Variants in SLC66A2 observed in about 807,000 individuals in gnomAD.
SLC66A2 encodes solute carrier family 66 member 2, also known as PQ loop repeat containing 1.
Under a neutral mutation model 25.5 loss-of-function variants are expected in SLC66A2, and 23 were observed. The ratio of observed to expected loss-of-function variants is 0.90; its 90% CI spans 0.65 to 1.28. The LOEUF is 1.28. Among genes scored for constraint, SLC66A2 ranks in the 50% most tolerant of loss-of-function variants. SLC66A2 has a pLI of 0.00. For synonymous variants in SLC66A2, 193 were observed against 166.5 expected (o/e 1.16, Z -1.23); for missense variants, 396 against 373.1 (o/e 1.06, Z -0.51).
intron 5 of SLC66A2, among the ~76,000 whole-genome samples, chr18:79,914,575 T>C (rs1983713578): frequency 1.3e-5 from 2 of 149,240 alleles, no homozygotes; most frequent in South Asian, 2.2e-4. Flanking sequence ...AGACACCCCC[T>C]TGCCCAAGCT....
intron 5 of SLC66A2, among the ~76,000 whole-genome samples, chr18:79,911,539 C>G (rs1383002333): frequency 6.6e-6 from 1 of 152,244 alleles, no homozygotes; most frequent in Non-Finnish European, 1.5e-5. Flanking sequence ...TCCCCGGGGC[C>G]CTGACGCACA....
intron 5 of SLC66A2, among the ~76,000 whole-genome samples, chr18:79,916,139 CCCG>C: frequency 3.3e-5 from 4 of 122,972 alleles, no homozygotes; most frequent in South Asian, 2.9e-4. Context: ...CCACGGTGCT[CCCG>C]TACCCGCGGC....
rs546476384 is a variant in SLC66A2 at position 79,906,941 on chromosome 18, AC to A, written c.609-2759del. On this transcript the variant is annotated intron_variant, in intron 5 of 5. Transcript: ENST00000397778. ...TTTTTATTCAAGGCAAATGTCCTTT[AC>A]TTTGCCTGATATTAATACAGCGACT... 1.6e-3 allele frequency among the ~76,000 whole-genome samples: 242 copies of A among 152,276 alleles called. 1 individual carries two copies. Among genetic ancestry groups the A allele is most frequent in the African/African-American group, 5.5e-3 (229 of 41,554 alleles).
intron 4 of SLC66A2, among the ~76,000 whole-genome samples, chr18:79,928,459 C>A (rs564277459): frequency 2.0e-4 from 31 of 152,320 alleles, no homozygotes; most frequent in African/African-American, 6.3e-4. Flanking sequence ...TAGGCTCTTC[C>A]AGAACAGCAG....
intron 4 of SLC66A2, among the ~76,000 whole-genome samples, chr18:79,922,217 G>A (rs1295403996): frequency 4.6e-5 from 7 of 151,406 alleles, no homozygotes; most frequent in Admixed American, 4.6e-4. Flanking sequence ...CAAGGAGGGA[G>A]GATCGCTTGA....
At chr18:79,932,348 C>T (rs914751984) in intron 4 of SLC66A2, among the ~76,000 whole-genome samples, 33 of 151,656 alleles carry the variant, frequency 2.2e-4, no homozygotes, top group African/African-American at 7.5e-4. Context: ...TAAATTAAAA[C>T]CAAAGCAAGC....
At chr18:79,907,513 C>G (rs10401106) in intron 5 of SLC66A2, among the ~76,000 whole-genome samples, 83,773 of 151,702 alleles carry the variant, frequency 0.55, 23,998 homozygotes, top group South Asian at 0.74. Flanking sequence ...CACCACACTC[C>G]GCTAATGTTT....
rs140645566 is a variant in SLC66A2, at chr18:79,941,057, C to T, written c.337+2272G>A. Among the ~76,000 whole-genome samples, 116 of 152,280 alleles carry T rather than the reference C, an allele frequency of 7.6e-4. No homozygotes were observed. Among genetic ancestry groups the T allele is most frequent in the African/African-American group, 2.7e-3 (112 of 41,554 alleles). On this transcript the variant is annotated intron_variant, in intron 3 of 5. Coordinates refer to ENST00000397778, the MANE Select transcript of SLC66A2 (RefSeq NM_025078.5). This position sits in a 1 kb window ranked among gnomAD's most constrained non-coding sequence, Gnocchi z 4.1. ...AGGAAAGGGTGCCCCAGCTTCCTAT[C>T]GCCTCCATAACAAGGTACCACAAAC... is the stretch of plus-strand genomic sequence containing the variant.
rs549673901 is a variant in SLC66A2, at chr18:79,917,979, C to T, written c.608+1205G>A. ...CTACACTTCACATCTGTGCCTATGT[C>T]CCACACCCACACCTACGCCACACAC... On this transcript the variant is annotated intron_variant, in intron 5 of 5. Coordinates refer to ENST00000397778, the MANE Select transcript of SLC66A2 (RefSeq NM_025078.5). The surrounding 1 kb of genome is among the most constrained non-coding windows in gnomAD (Gnocchi z 6.0). 6.6e-6 allele frequency among the ~76,000 whole-genome samples: 1 copy of T among 151,924 alleles called. No individual in the cohort carries two copies. Among genetic ancestry groups the T allele is most frequent in the Non-Finnish European group, 1.5e-5 (1 of 67,980 alleles).
chr18:79,939,397 T>C (rs904827485), intron 3 of SLC66A2, among the ~76,000 whole-genome samples: 2 of 152,174 alleles, frequency 1.3e-5, no homozygotes, highest in Non-Finnish European at 2.9e-5. Flanking sequence ...GGGGATCTAA[T>C]TAAACTAAAG....
Position 79,917,567 on chromosome 18 carries a change from C to T in SLC66A2, c.608+1617G>A, listed in dbSNP as rs1033637507. On this transcript the variant is annotated intron_variant, in intron 5 of 5. Transcript: ENST00000397778. This position sits in a 1 kb window ranked among gnomAD's most constrained non-coding sequence, Gnocchi z 6.0. ...GGTGGCTGGGGACGCCACACTCCGC[C>T]GGACAAGGCCCACGTCCAGCCGGGG... Among the ~76,000 whole-genome samples, 3 of 152,224 alleles carry T rather than the reference C, an allele frequency of 2.0e-5. No homozygotes were observed. The highest frequency in any genetic ancestry group is 2.9e-5 in the Non-Finnish European group (2 of 67,976).
Position 79,909,176 on chromosome 18 carries a change from T to C in SLC66A2, c.609-4993A>G, listed in dbSNP as rs563939241. 1.6e-3 allele frequency among the ~76,000 whole-genome samples: 248 copies of C among 152,354 alleles called. 1 individual carries two copies. Among genetic ancestry groups the C allele is most frequent in the African/African-American group, 5.6e-3 (234 of 41,578 alleles). ...CAGGGTGTGAGGTCTGACTTGTTTT[T>C]GGTGGACTGCAGTTCAATTTAATTC... is the stretch of plus-strand genomic sequence containing the variant. On this transcript the variant is annotated intron_variant, in intron 5 of 5. Transcript: ENST00000397778.
chr18:79,922,540 C>T (rs1312651581), intron 4 of SLC66A2, among the ~76,000 whole-genome samples: 2 of 152,116 alleles, frequency 1.3e-5, no homozygotes, highest in Non-Finnish European at 2.9e-5. Flanking sequence ...TAAATCCGTA[C>T]CACATCCCTC....
chr18:79,912,074 AG>A (rs1244479392), intron 5 of SLC66A2, among the ~76,000 whole-genome samples: 1 of 39,364 alleles, frequency 2.5e-5, no homozygotes, highest in Non-Finnish European at 5.8e-5. Flanking sequence ...GGATGGCAGC[AG>A]GGAGGGGACA....
intron 2 of SLC66A2, among the ~76,000 whole-genome samples, chr18:79,948,489 GC>G (rs1240688922): frequency 1.3e-5 from 2 of 152,100 alleles, no homozygotes; most frequent in Non-Finnish European, 2.9e-5. Context: ...TACAGGTAAT[GC>G]CCCCACACCT....
In SLC66A2 at chr18:79,940,573, C is replaced by CCTTGCTTG. The variant is rs1987573602; in HGVS notation, c.337+2748_337+2755dup. Reference sequence around the variant, plus strand: ...GCTGACAGGAAGACAAGGCTGGCCACCTTGCTTGGCATGGGGCTGTGCTGC... The same window carrying CCTTGCTTG: ...GCTGACAGGAAGACAAGGCTGGCCACCTTGCTTGCTTGCTTGGCATGGGGCTGTGCTGC... On this transcript the variant is annotated intron_variant, in intron 3 of 5. Coordinates refer to ENST00000397778, the MANE Select transcript of SLC66A2 (RefSeq NM_025078.5). The surrounding 1 kb of genome is among the most constrained non-coding windows in gnomAD (Gnocchi z 4.1). 1.3e-5 allele frequency among the ~76,000 whole-genome samples: 2 copies of CCTTGCTTG among 152,120 alleles called. No homozygotes were observed. The highest frequency in any genetic ancestry group is 2.1e-4 in the South Asian group (1 of 4,832).
At position 79,950,805 on chromosome 18, in the gene SLC66A2, CGAA is replaced by C; in HGVS notation, c.119_121del (p.Ile40_Arg41delinsSer). ...GAAGCCGTCGGCGTTCTGCGTCCTG[CGAA>C]TGTCCCGATACTGCGGGACGTAGGG... On this transcript the variant is annotated inframe_deletion, in exon 2 of 6. Transcript: ENST00000397778. 6.2e-7 allele frequency: 1 copy of C among 1,613,066 alleles called. No individual in the cohort carries two copies. The highest frequency in any genetic ancestry group is 8.5e-7 in the Non-Finnish European group (1 of 1,179,958).
At chr18:79,914,783 C>G (rs1412475492) in intron 5 of SLC66A2, among the ~76,000 whole-genome samples, 2 of 152,216 alleles carry the variant, frequency 1.3e-5, no homozygotes, top group Admixed American at 1.3e-4. Flanking sequence ...TTCAGACGCG[C>G]AAGTGGAGCC....
chr18:79,931,520 A>C (rs554686972), intron 4 of SLC66A2, among the ~76,000 whole-genome samples: 2 of 152,342 alleles, frequency 1.3e-5, no homozygotes, highest in African/African-American at 4.8e-5. Flanking sequence ...GTGAAAAGAG[A>C]AAAAGATAAT....
Sources: allele counts gnomAD v4.1 joint callset (sites outside exome capture counted in the v4.1 genomes callset), GRCh38; gene constraint gnomAD v4.1.1; non-coding constraint Gnocchi (gnomAD v3.1); transcripts MANE v1.5; gene names NCBI Gene and HGNC (gene_info 2026-07-23, HGNC 2026-07-21).